PAGE2B: variants seen among roughly 807,000 people sequenced by gnomAD.
PAGE2B encodes PAGE family member 2B.
Under a neutral mutation model 7.6 loss-of-function variants are expected in PAGE2B, and 5 were observed. The observed-to-expected ratio is 0.66, with a 90% CI of 0.34 to 1.38. PAGE2B has a LOEUF of 1.38. Ranked by LOEUF, PAGE2B falls within the 40% of genes most tolerant of loss-of-function variation. PAGE2B has a pLI of 0.04. For missense variants in PAGE2B, 70 were observed against 78.4 expected (o/e 0.89, Z 0.41); for synonymous variants, 29 against 26.7 (o/e 1.09, Z -0.27).
At chrX:55,049,044 G>T in the PAGE2B span, among the ~76,000 whole-genome samples, 10 of 104,707 alleles carry the variant, frequency 9.6e-5, no homozygotes, top group South Asian at 4.0e-4. Flanking sequence ...AAAGGCCTTT[G>T]CTGCATCTAT....
the PAGE2B span, among the ~76,000 whole-genome samples, chrX:55,051,155 G>T: frequency 8.9e-6 from 1 of 111,910 alleles, no homozygotes; most frequent in Non-Finnish European, 1.9e-5. Context: ...CTTCTGGCTT[G>T]TAGAGTTTCT....
the PAGE2B span, chrX:55,054,822 A>G: frequency 8.9e-6 from 1 of 111,816 alleles, no homozygotes; most frequent in Admixed American, 9.5e-5. Flanking sequence ...GGGCCAGAGA[A>G]TGGTAGATAT....
the PAGE2B span, among the ~76,000 whole-genome samples, chrX:55,047,348 T>A: frequency 8.9e-6 from 1 of 112,007 alleles, no homozygotes; most frequent in African/African-American, 3.2e-5. Flanking sequence ...TTTGGGTTGG[T>A]TCCAAGTCTT....
At chrX:55,076,252 G>T in intron 2 of PAGE2B, 127 bp downstream of exon 2, 1 of 804,550 alleles carries the variant, frequency 1.2e-6, no homozygotes, top group East Asian at 3.5e-5. Context: ...ATCTCATGAA[G>T]GAAACGTTGG....
the PAGE2B span, among the ~76,000 whole-genome samples, chrX:55,032,937 C>G: frequency 8.9e-6 from 1 of 111,763 alleles, no homozygotes; most frequent in Non-Finnish European, 1.9e-5. Flanking sequence ...CCATTTGTCA[C>G]TTTGAAAAGT....
intron 2 of PAGE2B, among the ~76,000 whole-genome samples, 183 bp downstream of exon 2, chrX:55,076,308 TTCTCTCTCTC>T (rs766282431): frequency 9.4e-6 from 1 of 106,866 alleles, no homozygotes; most frequent in African/African-American, 3.4e-5. Context: ...ATATGGATAT[TTCTCTCTCTC>T]TCTCTCTCTA....
the PAGE2B span, among the ~76,000 whole-genome samples, chrX:55,065,793 C>T: frequency 0.018 from 1,991 of 112,091 alleles, 31 homozygotes; most frequent in East Asian, 0.061. Flanking sequence ...CAACTTACCA[C>T]TGATTGCATA....
chrX:55,069,172 G>C, the PAGE2B span, among the ~76,000 whole-genome samples: 2 of 111,723 alleles, frequency 1.8e-5, no homozygotes, highest in Admixed American at 1.9e-4. Flanking sequence ...ATTGGCTGTA[G>C]GTTTGCCATG....
the PAGE2B span, among the ~76,000 whole-genome samples, chrX:55,066,587 C>T: frequency 2.2e-4 from 24 of 111,525 alleles, no homozygotes; most frequent in South Asian, 1.1e-3. Flanking sequence ...TTTCCTTCAG[C>T]GCTTTAAATA....
the PAGE2B span, among the ~76,000 whole-genome samples, chrX:55,029,861 C>T: frequency 1.8e-5 from 2 of 111,138 alleles, no homozygotes; most frequent in African/African-American, 6.6e-5. Flanking sequence ...GTGTCAGCAC[C>T]CAATCTGTAC....
chrX:55,077,272 C>A, intron 3 of PAGE2B, 127 bp from the exon 4 acceptor site: 1 of 1,074,496 alleles, frequency 9.3e-7, no homozygotes, highest in Non-Finnish European at 1.2e-6. Flanking sequence ...GTTTTCCTGG[C>A]AGCAGATTCC....
the PAGE2B span, among the ~76,000 whole-genome samples, chrX:55,031,236 A>T: frequency 1.8e-5 from 2 of 111,389 alleles, no homozygotes; most frequent in African/African-American, 6.5e-5. Flanking sequence ...TAGAGCTGGG[A>T]TACCTTGAGC....
At chrX:55,040,516 A>T in the PAGE2B span, among the ~76,000 whole-genome samples, 1 of 112,065 alleles carries the variant, frequency 8.9e-6, no homozygotes, top group Non-Finnish European at 1.9e-5. Context: ...AACATGGATG[A>T]ATCTTAAAAG....
At chrX:55,075,784 A>C (rs1015851630) in intron 1 of PAGE2B, among the ~76,000 whole-genome samples, 7 of 110,867 alleles carry the variant, frequency 6.3e-5, no homozygotes, top group Non-Finnish European at 1.3e-4. Context: ...TAATTGTGAA[A>C]CCAAAACGCA....
chrX:55,054,277 C>G, the PAGE2B span, among the ~76,000 whole-genome samples: 1 of 111,793 alleles, frequency 8.9e-6, no homozygotes, highest in African/African-American at 3.3e-5. Context: ...ACAGTAGCGA[C>G]AATAATGCAT....
At chrX:55,044,664 A>AAG in the PAGE2B span, 7 of 111,953 alleles carry the variant, frequency 6.3e-5, no homozygotes, top group Middle Eastern at 4.6e-3. Context: ...CAGACCAGTG[A>AAG]AGAGATTAGT....
the PAGE2B span, among the ~76,000 whole-genome samples, chrX:55,066,239 T>C: frequency 9.0e-6 from 1 of 111,591 alleles, no homozygotes; most frequent in South Asian, 3.8e-4. Context: ...TACAGGCGTG[T>C]GCCATCACGT....
At chrX:55,073,271 G>A (rs1331232410), upstream of PAGE2B, among the ~76,000 whole-genome samples, 1 of 111,843 alleles carries the variant, frequency 8.9e-6, no homozygotes, top group Non-Finnish European at 1.9e-5. Flanking sequence ...ATCTGGGCCA[G>A]ATAGCACAGT....
chrX:55,075,749 C>T lies in PAGE2B; in HGVS notation c.-8-285C>T, dbSNP rs1363616891. On this transcript the variant is annotated intron_variant, in intron 1 of 4. Transcript: ENST00000374971. ...TTTCAATTCTCTGCCCTTTTTTCCC[C>T]CAAATGTCTTCATGATGGAGAGTCT... Among the ~76,000 whole-genome samples the T allele has an allele frequency of 4.5e-5, 5 of 110,714 alleles. No homozygotes were observed. In the South Asian group the frequency reaches 1.2e-3, roughly 26 times the overall value.
Sources: gnomAD v4.1 joint callset for allele counts (sites outside exome capture counted in the v4.1 genomes callset) on GRCh38, gnomAD v4.1.1 for gene constraint, MANE v1.5 for transcripts, NCBI Gene and HGNC (gene_info 2026-07-23, HGNC 2026-07-21) for gene names.